The following USH2A variants were observed in gnomAD, a reference collection of about 807,000 sequenced individuals.
USH2A encodes Usher syndrome 2A (autosomal recessive, mild).
USH2A carries 443 observed loss-of-function variants against 538.9 expected under a neutral mutation model. The ratio of observed to expected loss-of-function variants is 0.82; its 90% CI spans 0.76 to 0.89. The LOEUF (loss-of-function observed/expected upper bound fraction) is 0.89, where lower values mean the gene tolerates loss of function less well. Ranked by LOEUF, USH2A falls within the 40% of genes least tolerant of loss-of-function variation. The pLI, the probability that USH2A is intolerant of heterozygous loss-of-function variation, is 0.00. For synonymous variants in USH2A, 2,413 were observed against 2,273.5 expected (o/e 1.06, Z -1.75); for missense variants, 6,633 against 6,324.8 (o/e 1.05, Z -1.65).
chr1:215,698,322 G>A (rs957123412), intron 61 of USH2A, among the ~76,000 whole-genome samples: 1 of 152,122 alleles, frequency 6.6e-6, no homozygotes, highest in Non-Finnish European at 1.5e-5. Context: ...GATTTATAAT[G>A]CCTTGGGTAT....
At chr1:215,771,536 C>T (rs1220426207) in intron 55 of USH2A, among the ~76,000 whole-genome samples, 7 of 123,974 alleles carry the variant, frequency 5.6e-5, no homozygotes, top group Admixed American at 3.1e-4. Flanking sequence ...GCCGAGATCC[C>T]GCCACTGCAC....
At chr1:216,322,764 A>G (rs1009120012) in intron 8 of USH2A, among the ~76,000 whole-genome samples, 1 of 152,140 alleles carries the variant, frequency 6.6e-6, no homozygotes, top group East Asian at 1.9e-4. Context: ...GCAAACAAAC[A>G]ATGCTTATAT....
chr1:215,912,249 G>A (rs899149430), intron 38 of USH2A, among the ~76,000 whole-genome samples: 5 of 151,774 alleles, frequency 3.3e-5, no homozygotes, highest in Middle Eastern at 3.2e-3. Flanking sequence ...GTGCTTGTGG[G>A]ATATTGCTCA....
At chr1:216,006,617 T>C (rs1668398289) in intron 32 of USH2A, among the ~76,000 whole-genome samples, 1 of 152,242 alleles carries the variant, frequency 6.6e-6, no homozygotes, top group Non-Finnish European at 1.5e-5. Context: ...ACTGGGCTTT[T>C]GGAACTTTTC....
At chr1:215,631,998 A>G (rs1215825415) in intron 70 of USH2A, among the ~76,000 whole-genome samples, 1 of 152,092 alleles carries the variant, frequency 6.6e-6, no homozygotes, top group Non-Finnish European at 1.5e-5. Context: ...TTTGTATTAT[A>G]TTATTATTTC....
At chr1:216,159,820 G>T (rs2034019088) in intron 21 of USH2A, among the ~76,000 whole-genome samples, 1 of 151,974 alleles carries the variant, frequency 6.6e-6, no homozygotes, top group African/African-American at 2.4e-5. Flanking sequence ...CTTAACTATA[G>T]ATTTCATTTT....
At chr1:215,859,929 G>T (rs1225800771) in intron 44 of USH2A, among the ~76,000 whole-genome samples, 2 of 152,196 alleles carry the variant, frequency 1.3e-5, no homozygotes, top group African/African-American at 4.8e-5. Flanking sequence ...GGCCTAGTTG[G>T]AGGTGTTTGT....
chr1:215,878,203 T>G (rs1664823871), intron 42 of USH2A, among the ~76,000 whole-genome samples: 1 of 152,186 alleles, frequency 6.6e-6, no homozygotes, highest in African/African-American at 2.4e-5. Flanking sequence ...ACACAAAGCT[T>G]ATCAAGTTAA....
chr1:216,223,093 A>T (rs1403427372), intron 14 of USH2A, among the ~76,000 whole-genome samples: 2 of 151,576 alleles, frequency 1.3e-5, no homozygotes, highest in Admixed American at 6.6e-5. Flanking sequence ...ATTTTAGCCT[A>T]GTGAAACTCA....
At chr1:215,863,352 G>A (rs558112081) in intron 44 of USH2A, among the ~76,000 whole-genome samples, 2 of 152,280 alleles carry the variant, frequency 1.3e-5, no homozygotes, top group African/African-American at 4.8e-5. Context: ...GAGAACAGAG[G>A]AACAAGGTGA....
At chr1:215,866,950 A>G (rs553965578) in intron 44 of USH2A, 57 bp downstream of exon 44, 3 of 1,611,994 alleles carry the variant, frequency 1.9e-6, no homozygotes, top group Non-Finnish European at 2.5e-6. Flanking sequence ...TAGTAAAGAA[A>G]GAATATGCTT....
rs75416611 is a variant in USH2A, at chr1:215,991,675, G to T, written c.6805+1345C>A. Among the ~76,000 whole-genome samples, 3 of 152,162 alleles carry T rather than the reference G, an allele frequency of 2.0e-5. No homozygotes were observed. In the South Asian group the frequency reaches 6.2e-4, roughly 32 times the overall value. On this transcript the variant is annotated intron_variant, in intron 35 of 71. Coordinates refer to ENST00000307340, the MANE Select transcript of USH2A (RefSeq NM_206933.4). Reference sequence around the variant, plus strand: ...CTGCTTGCAAATATACAAAACATACGCAAATACACAAAACATTCAAAGAGC... The same window carrying T: ...CTGCTTGCAAATATACAAAACATACTCAAATACACAAAACATTCAAAGAGC...
intron 11 of USH2A, among the ~76,000 whole-genome samples, chr1:216,276,432 C>T (rs1401082155): frequency 2.6e-5 from 4 of 152,104 alleles, no homozygotes; most frequent in Admixed American, 6.6e-5. Context: ...GCTGAGACAA[C>T]GTCCAGTCCA....
rs370383574 is a variant in USH2A at position 215,798,899 on chromosome 1, C to A, written c.9958+8G>T. The A allele has an allele frequency of 1.9e-6, 3 of 1,613,920 alleles. No individual in the cohort carries two copies. The highest frequency in any genetic ancestry group is 2.7e-5 in the African/African-American group (2 of 74,932). ...CCATCTACTGAAAGGTAGACCTGGGCCCCTTACCTGGAAGGCGATTGTACA... is the reference window on the plus strand; with the variant it reads ...CCATCTACTGAAAGGTAGACCTGGGACCCTTACCTGGAAGGCGATTGTACA... On this transcript the variant is annotated splice_region_variant and intron_variant, in intron 50 of 71. Transcript: ENST00000307340.
chr1:216,260,126 A>C (rs1236213239), intron 11 of USH2A, among the ~76,000 whole-genome samples: 3 of 152,162 alleles, frequency 2.0e-5, no homozygotes, highest in South Asian at 2.1e-4. Flanking sequence ...CAATTAAAAA[A>C]ATAGGAATTT....
intron 11 of USH2A, among the ~76,000 whole-genome samples, chr1:216,257,449 GTATTT>G (rs768410131): frequency 6.6e-6 from 1 of 151,974 alleles, no homozygotes; most frequent in African/African-American, 2.4e-5. Context: ...GGCTGCTGTA[GTATTT>G]TATTTTATCA....
Position 215,675,276 on chromosome 1 carries a change from A to G in USH2A, c.12635T>C (p.Val4212Ala). 2 of 1,614,118 alleles carry G rather than the reference A, an allele frequency of 1.2e-6. No individual in the cohort carries two copies. Among genetic ancestry groups the G allele is most frequent in the Non-Finnish European group, 1.7e-6 (2 of 1,180,028 alleles). Reference protein sequence around the residue: ...NQTIQADEKIVFTEYNTERNT... With the variant: ...NQTIQADEKIAFTEYNTERNT... ...CCTTTCAGTGTTATATTCTGTGAAA[A>G]CAATTTTCTCGTCGGCCTGGATTGT... The change falls in exon 63 of 72, where the codon GTT (valine) becomes GCT (alanine). Residue 4212 changes from valine to alanine, a missense_variant. By Grantham distance (64) the Val-to-Ala change is moderately conservative. Transcript: ENST00000307340.
At chr1:216,046,035 G>GTGTGTGTGTGTGTGTGTT (rs1336733183) in intron 32 of USH2A, among the ~76,000 whole-genome samples, 1 of 151,384 alleles carries the variant, frequency 6.6e-6, no homozygotes, top group Non-Finnish European at 1.5e-5. Flanking sequence ...GTGTGTGTGT[G>GTGTGTGTGTGTGTGTGTT]TGTGTGTGTG....
At chr1:215,933,706 A>T (rs900616042) in intron 38 of USH2A, among the ~76,000 whole-genome samples, 1 of 151,812 alleles carries the variant, frequency 6.6e-6, no homozygotes, top group African/African-American at 2.4e-5. Flanking sequence ...TGCCCTTCGG[A>T]TTGCTGATAA....
Sources: allele counts gnomAD v4.1 joint callset (sites outside exome capture counted in the v4.1 genomes callset), GRCh38; gene constraint gnomAD v4.1.1; transcripts MANE v1.5; gene names NCBI Gene and HGNC (gene_info 2026-07-23, HGNC 2026-07-21).